Variants in RALGAPA2 observed in about 807,000 individuals in gnomAD.
The protein encoded by RALGAPA2 is Ral GTPase activating protein catalytic subunit alpha 2.
A neutral mutation model predicts 230.4 loss-of-function variants in RALGAPA2; 139 were observed. The ratio of observed to expected loss-of-function variants is 0.60; its 90% CI spans 0.53 to 0.69. The LOEUF is 0.69. Among genes scored for constraint, RALGAPA2 ranks in the 30% least tolerant of loss-of-function variants. The pLI is 0.00. For missense variants in RALGAPA2, 2,163 were observed against 2,276.0 expected (o/e 0.95, Z 1.01); for synonymous variants, 847 against 837.8 (o/e 1.01, Z -0.19).
chr20:20,610,452 G>A (rs1291789443), intron 14 of RALGAPA2, among the ~76,000 whole-genome samples: 1 of 152,098 alleles, frequency 6.6e-6, no homozygotes, highest in African/African-American at 2.4e-5. Context: ...AGAAGCACAG[G>A]CATCTCTTTG....
chr20:20,425,968 G>A (rs1205369018), intron 37 of RALGAPA2, among the ~76,000 whole-genome samples: 4 of 152,208 alleles, frequency 2.6e-5, no homozygotes, highest in Non-Finnish European at 4.4e-5. Context: ...CACAAGGGTT[G>A]AGCCATCACA....
At chr20:20,691,134 C>G (rs2068889109) in intron 1 of RALGAPA2, among the ~76,000 whole-genome samples, 3 of 152,190 alleles carry the variant, frequency 2.0e-5, no homozygotes, top group Admixed American at 2.0e-4. Flanking sequence ...AATCCACTCT[C>G]TCGTCACCCG....
At chr20:20,530,623 C>G (rs556084849) in intron 27 of RALGAPA2, among the ~76,000 whole-genome samples, 1 of 152,308 alleles carries the variant, frequency 6.6e-6, no homozygotes, top group South Asian at 2.1e-4. Flanking sequence ...CTGATGGCGA[C>G]AGTCCCAGGC....
intron 16 of RALGAPA2, among the ~76,000 whole-genome samples, chr20:20,595,034 TAAAGCTCCATTCGAAACACCGA>T (rs1171481648): frequency 2.0e-5 from 3 of 152,148 alleles, no homozygotes; most frequent in African/African-American, 7.2e-5. Flanking sequence ...TATTACTTTC[TAAAGCTCCATTCGAAACACCGA>T]AAAATGATCA....
At chr20:20,510,771 T>A (rs1473937247) in intron 33 of RALGAPA2, among the ~76,000 whole-genome samples, 1 of 152,212 alleles carries the variant, frequency 6.6e-6, no homozygotes, top group Non-Finnish European at 1.5e-5. Context: ...ATGAGCCTTA[T>A]TAACAGAGAG....
At chr20:20,494,389 A>T (rs2062146214) in intron 36 of RALGAPA2, among the ~76,000 whole-genome samples, 1 of 152,256 alleles carries the variant, frequency 6.6e-6, no homozygotes, top group Non-Finnish European at 1.5e-5. Flanking sequence ...TAAGAACTTT[A>T]AAAACGCCCT....
chr20:20,604,663 C>T (rs1204298898), intron 15 of RALGAPA2, among the ~76,000 whole-genome samples: 1 of 151,902 alleles, frequency 6.6e-6, no homozygotes, highest in Non-Finnish European at 1.5e-5. Flanking sequence ...TTTCTTAAAA[C>T]ATTATGAGAT....
chr20:20,554,834 T>C (rs1011972861), intron 23 of RALGAPA2, among the ~76,000 whole-genome samples: 1 of 152,184 alleles, frequency 6.6e-6, no homozygotes, highest in African/African-American at 2.4e-5. Flanking sequence ...TTCTAGATAC[T>C]AGGCCCTAAT....
At chr20:20,539,053 C>T (rs954620454) in intron 24 of RALGAPA2, among the ~76,000 whole-genome samples, 41 of 151,974 alleles carry the variant, frequency 2.7e-4, no homozygotes, top group African/African-American at 9.4e-4. Flanking sequence ...TATAATAATC[C>T]ATCTTATGTA....
rs2060200047 is a variant in RALGAPA2, at chr20:20,417,976, AT to A, written c.5496-5829del. ...GGCAAACTCTTTATGACCTTGGGGT[AT>A]GGAAAATCTCTTAAGAAACCAAAAC... On this transcript the variant is annotated intron_variant, in intron 37 of 39. Transcript: ENST00000202677. Among the ~76,000 whole-genome samples, 13 of 152,352 alleles carry A rather than the reference AT, an allele frequency of 8.5e-5. No individual in the cohort carries two copies. In the South Asian group the frequency reaches 2.7e-3, roughly 32 times the overall value.
At chr20:20,458,856 CTATATATA>C (rs200853897) in intron 37 of RALGAPA2, among the ~76,000 whole-genome samples, 3 of 88,240 alleles carry the variant, frequency 3.4e-5, no homozygotes, top group African/African-American at 5.0e-5. Flanking sequence ...ATATATAGAC[CTATATATA>C]TATATATATA....
chr20:20,393,263 A>G lies in RALGAPA2; in HGVS notation c.*36-10T>C. The G allele has an allele frequency of 7.5e-7, 1 of 1,336,746 alleles. No homozygotes were observed. The highest frequency in any genetic ancestry group is 9.9e-7 in the Non-Finnish European group (1 of 1,007,560). 82.8% of individuals were successfully genotyped at this position (1,336,746 alleles called of 1,614,324 possible). ...CTGGAGGCCAGGGCCCCTGCAAAGG[A>G]AGCAGAGAACTGCTAAGTCATGGAG... is the stretch of plus-strand genomic sequence containing the variant. On this transcript the variant is annotated splice_polypyrimidine_tract_variant and intron_variant, in intron 39 of 39. Coordinates refer to ENST00000202677, the MANE Select transcript of RALGAPA2 (RefSeq NM_020343.4).
chr20:20,503,501 A>G lies in RALGAPA2; in HGVS notation c.5058T>C (p.Asp1686=). ...DFVAGLGWEV[D]LSTHCGFMGG... ...CCATGAACCCACAGTGGGTGGAGAG[A>G]TCCACCTGACAAAGGTCACAAAGAA... Residue 1686 remains aspartate (D), a synonymous_variant, in exon 35 of 40, where the codon GAT becomes GAC. Transcript: ENST00000202677. 1 of 1,563,896 alleles carries G rather than the reference A, an allele frequency of 6.4e-7. No individual in the cohort carries two copies. Among genetic ancestry groups the G allele is most frequent in the African/African-American group, 1.4e-5 (1 of 72,440 alleles).
chr20:20,644,687 A>C (rs1205722917), intron 4 of RALGAPA2, among the ~76,000 whole-genome samples: 1 of 152,142 alleles, frequency 6.6e-6, no homozygotes, highest in Non-Finnish European at 1.5e-5. Context: ...CCCTTCCCCA[A>C]CTTCTCCCTT....
At chr20:20,626,280 A>G (rs369189962) in intron 10 of RALGAPA2, among the ~76,000 whole-genome samples, 1 of 152,218 alleles carries the variant, frequency 6.6e-6, no homozygotes, top group African/African-American at 2.4e-5. Flanking sequence ...CAATTGTAAA[A>G]CCCATTCCTC....
intron 38 of RALGAPA2, among the ~76,000 whole-genome samples, chr20:20,406,553 T>C (rs2059950777): frequency 6.6e-6 from 1 of 152,220 alleles, no homozygotes; most frequent in South Asian, 2.1e-4. Flanking sequence ...CCAAGTGTGC[T>C]GAGGGTGCTG....
At chr20:20,483,088 G>T (rs1018904267) in intron 36 of RALGAPA2, among the ~76,000 whole-genome samples, 1 of 152,190 alleles carries the variant, frequency 6.6e-6, no homozygotes, top group Non-Finnish European at 1.5e-5. Context: ...ATAAGATCTG[G>T]TGGGTGGTGA....
At chr20:20,500,822 G>C (rs1405833585) in intron 35 of RALGAPA2, among the ~76,000 whole-genome samples, 1 of 152,186 alleles carries the variant, frequency 6.6e-6, no homozygotes, top group African/African-American at 2.4e-5. Flanking sequence ...AGTAAGACTT[G>C]AAAGTTGAAA....
At chr20:20,584,221 T>A (rs750870343) in intron 19 of RALGAPA2, among the ~76,000 whole-genome samples, 31 of 152,170 alleles carry the variant, frequency 2.0e-4, no homozygotes, top group Non-Finnish European at 4.0e-4. Flanking sequence ...AGGATTCCAA[T>A]CTCATTCCAT....
Sources: allele counts gnomAD v4.1 joint callset (sites outside exome capture counted in the v4.1 genomes callset), GRCh38; gene constraint gnomAD v4.1.1; transcripts MANE v1.5; gene names NCBI Gene and HGNC (gene_info 2026-07-23, HGNC 2026-07-21).